The following ERGIC2 variants were observed in gnomAD, a reference collection of about 807,000 sequenced individuals.
ERGIC2 encodes endoplasmic reticulum-Golgi intermediate compartment protein 2.
In ERGIC2, 31 loss-of-function variants were observed where a neutral mutation model predicts 52.5. The ratio of observed to expected loss-of-function variants is 0.59; its 90% confidence interval spans 0.44 to 0.80. The LOEUF is 0.80. Ranked by LOEUF, ERGIC2 falls within the 30% of genes least tolerant of loss-of-function variation. The pLI, the probability that ERGIC2 is intolerant of heterozygous loss-of-function variation, is 0.00. For missense variants in ERGIC2, 395 were observed against 455.2 expected, an observed-to-expected ratio of 0.87 and a Z score of 1.20; for synonymous variants, 129 against 140.6, an observed-to-expected ratio of 0.92 and a Z score of 0.58.
Position 29,340,986 on chromosome 12 carries a change from T to TATA in ERGIC2, c.*167_*169dup, listed in dbSNP as rs1477288926. The TATA allele has an allele frequency of 1.6e-6, 1 of 622,188 alleles. No individual in the cohort carries two copies. The highest frequency in any genetic ancestry group is 1.9e-5 in the African/African-American group (1 of 53,440). The allele number at this position is 622,188 out of a possible 1,614,324, so 38.5% of individuals were successfully genotyped here. A position where few individuals can be genotyped will look rare whatever the true frequency, so the allele number is the denominator to read the frequency against. On this transcript the variant is annotated 3_prime_UTR_variant, in exon 14 of 14. Coordinates refer to ENST00000360150, the MANE Select transcript of ERGIC2 (RefSeq NM_016570.3). ...TACGACATTTGTAACAGACACAACG[T>TATA]ATATAGAATTTCAGTTTGGGTTTTT...
At chr12:29,379,443 C>T (rs1430881411) in intron 1 of ERGIC2, among the ~76,000 whole-genome samples, 1 of 152,150 alleles carries the variant, frequency 6.6e-6, no homozygotes, top group African/African-American at 2.4e-5. Flanking sequence ...TTTAAGGACA[C>T]ATTAACCACA....
Position 29,345,270 on chromosome 12 carries a change from T to C in ERGIC2, c.825+173A>G, listed in dbSNP as rs116336772. On this transcript the variant is annotated intron_variant, in intron 11 of 13. Coordinates refer to ENST00000360150, the MANE Select transcript of ERGIC2 (RefSeq NM_016570.3). ...TTGCTTTAGAATATACTAATATTCA[T>C]TTCTGACATATTTCTGATTTAAAAT... Among the ~76,000 whole-genome samples the C allele has an allele frequency of 8.0e-3, 1,225 of 152,378 alleles. 10 individuals carry two copies. The highest frequency in any genetic ancestry group is 0.028 in the African/African-American group (1,163 of 41,594).
chr12:29,357,578 G>C, intron 7 of ERGIC2, 45 bp downstream of exon 7: 1 of 1,016,634 alleles, frequency 9.8e-7, no homozygotes, highest in Non-Finnish European at 1.5e-6. Context: ...CTATGTCAAA[G>C]TAAATTCATA....
intron 6 of ERGIC2, 40 bp from the exon 7 acceptor site, chr12:29,357,764 A>G (rs745521198): frequency 8.9e-7 from 1 of 1,118,724 alleles, no homozygotes; most frequent in South Asian, 1.3e-5. Context: ...AGAAAGGTAC[A>G]CAAAGAGAGC....
intron 1 of ERGIC2, among the ~76,000 whole-genome samples, chr12:29,378,349 C>T (rs111837286): frequency 1.3e-5 from 2 of 152,108 alleles, no homozygotes; most frequent in African/African-American, 4.8e-5. Context: ...AGACTTCTAG[C>T]CTCCAGAACT....
chr12:29,369,998 C>T (rs1018129896), intron 3 of ERGIC2, 116 bp downstream of exon 3: 18 of 955,474 alleles, frequency 1.9e-5, no homozygotes, highest in Non-Finnish European at 2.5e-5. Flanking sequence ...AGGACTATTT[C>T]TTCAGAACTA....
In ERGIC2 at chr12:29,337,448, C is replaced by A. The variant is rs974038022; in HGVS notation, c.*3708G>T. 7.2e-5 allele frequency: 11 copies of A among 152,016 alleles called. No homozygotes were observed. The highest frequency in any genetic ancestry group is 1.6e-4 in the Non-Finnish European group (11 of 68,004). The allele number at this position is 152,016 out of a possible 1,614,324, so 9.4% of individuals were successfully genotyped here. A position where few individuals can be genotyped will look rare whatever the true frequency, so the allele number is the denominator to read the frequency against. ...AGACAAAAAAAAAATCCAAGGCAGTCTGTTTTCTCCTCTTAAATGTAAAGT... is the reference window on the plus strand; with the variant it reads ...AGACAAAAAAAAAATCCAAGGCAGTATGTTTTCTCCTCTTAAATGTAAAGT... On this transcript the variant is annotated 3_prime_UTR_variant, in exon 14 of 14. Transcript: ENST00000360150.
In ERGIC2 at chr12:29,345,486, T is replaced by C. The variant is rs758647875; in HGVS notation, c.782A>G (p.Tyr261Cys). Residue 261 changes from tyrosine (Y) to cysteine (C), a missense_variant, in exon 11 of 14, where the codon TAT becomes TGT. Physicochemically the swap from Tyr to Cys is radical, Grantham distance 194. Coordinates refer to ENST00000360150, the MANE Select transcript of ERGIC2 (RefSeq NM_016570.3). ...CTGATGGGTGTCTGCTGATATTTTA[T>C]ATGTATGTAGTTTTGTTGGCACAAC... ...ITVVPTKLHT[Y>C]KISADTHQFS... 1.9e-6 allele frequency: 3 copies of C among 1,604,840 alleles called. No individual in the cohort carries two copies. The highest frequency in any genetic ancestry group is 2.6e-6 in the Non-Finnish European group (3 of 1,173,162).
chr12:29,345,035 A>G (rs1940026672), intron 11 of ERGIC2, among the ~76,000 whole-genome samples: 1 of 152,256 alleles, frequency 6.6e-6, no homozygotes, highest in African/African-American at 2.4e-5. Context: ...ATAACCATGT[A>G]TGCCCAGAGA....
At chr12:29,366,661 C>T (rs1190798867) in intron 5 of ERGIC2, among the ~76,000 whole-genome samples, 1 of 151,836 alleles carries the variant, frequency 6.6e-6, no homozygotes, top group Non-Finnish European at 1.5e-5. Flanking sequence ...ATCCAAAATA[C>T]ATCCAAAATG....
intron 1 of ERGIC2, among the ~76,000 whole-genome samples, chr12:29,378,101 CTAAT>C (rs1940538574): frequency 6.6e-6 from 1 of 152,110 alleles, no homozygotes; most frequent in African/African-American, 2.4e-5. Context: ...TCAGATATAA[CTAAT>C]TAAGATGAGA....
At chr12:29,360,987 C>T (rs574780647) in intron 6 of ERGIC2, among the ~76,000 whole-genome samples, 3 of 152,330 alleles carry the variant, frequency 2.0e-5, no homozygotes, top group South Asian at 4.1e-4. Context: ...TGGCTCATGC[C>T]TGTAATCCCA....
chr12:29,343,038 T>C, intron 12 of ERGIC2, 82 bp downstream of exon 12: 3 of 1,188,566 alleles, frequency 2.5e-6, no homozygotes, highest in Non-Finnish European at 3.5e-6. Flanking sequence ...AAAATCTGTA[T>C]ACTTCTTGCC....
At chr12:29,379,666 T>C (rs969442386) in intron 1 of ERGIC2, among the ~76,000 whole-genome samples, 14 of 152,294 alleles carry the variant, frequency 9.2e-5, no homozygotes, top group African/African-American at 3.4e-4. Context: ...ACACATTCAA[T>C]CCTCACAACC....
chr12:29,378,809 G>A (rs1940548544), intron 1 of ERGIC2, among the ~76,000 whole-genome samples: 3 of 152,106 alleles, frequency 2.0e-5, no homozygotes, highest in Admixed American at 1.3e-4. Context: ...TACTAGTTGT[G>A]TGACAAGTGT....
chr12:29,379,706 T>G (rs1940560300), intron 1 of ERGIC2, among the ~76,000 whole-genome samples: 1 of 152,202 alleles, frequency 6.6e-6, no homozygotes. Flanking sequence ...ATTATTTCAT[T>G]TGGCCGATGA....
At position 29,340,697 on chromosome 12, in the gene ERGIC2, A is replaced by C. The variant is rs1200808756; in HGVS notation, c.*459T>G. 1.2e-5 allele frequency: 4 copies of C among 330,080 alleles called. No homozygotes were observed. Among genetic ancestry groups the C allele is most frequent in the African/African-American group, 6.7e-5 (3 of 44,766 alleles). 20.4% of individuals were successfully genotyped at this position (330,080 alleles called of 1,614,324 possible). A position where few individuals can be genotyped will look rare whatever the true frequency, so the allele number is the denominator to read the frequency against. On this transcript the variant is annotated 3_prime_UTR_variant, in exon 14 of 14. Coordinates refer to ENST00000360150, the MANE Select transcript of ERGIC2 (RefSeq NM_016570.3). ...ATGTGACCTGATCACAATTCTTTAAAGTCTAGACTAGTTTTCCGTATGTTT... is the reference window on the plus strand; with the variant it reads ...ATGTGACCTGATCACAATTCTTTAACGTCTAGACTAGTTTTCCGTATGTTT...
At chr12:29,377,423 C>G (rs1030321074) in intron 1 of ERGIC2, among the ~76,000 whole-genome samples, 1 of 152,158 alleles carries the variant, frequency 6.6e-6, no homozygotes, top group African/African-American at 2.4e-5. Flanking sequence ...ATAACCTATG[C>G]ACATCCTCTT....
At chr12:29,346,300 C>T (rs1050954073) in intron 10 of ERGIC2, among the ~76,000 whole-genome samples, 11 of 151,494 alleles carry the variant, frequency 7.3e-5, no homozygotes, top group Admixed American at 2.6e-4. Context: ...GCAATCCTCC[C>T]GCCTCAGCCT....
Sources: gnomAD v4.1 joint callset for allele counts (sites outside exome capture counted in the v4.1 genomes callset) on GRCh38, gnomAD v4.1.1 for gene constraint, MANE v1.5 for transcripts, NCBI Gene and HGNC (gene_info 2026-07-23, HGNC 2026-07-21) for gene names.